PDE1C: variants seen among roughly 807,000 people sequenced by gnomAD.
PDE1C encodes phosphodiesterase 1C, also known as dual specificity calcium/calmodulin-dependent 3',5'-cyclic nucleotide phosphodiesterase 1C.
Under a neutral mutation model 93.1 loss-of-function variants are expected in PDE1C, and 62 were observed. The ratio of observed to expected loss-of-function variants is 0.67; its 90% confidence interval spans 0.54 to 0.82. The LOEUF is 0.82. Among genes scored for constraint, PDE1C ranks in the 40% least tolerant of loss-of-function variants. The pLI is 0.00. For missense variants in PDE1C, 742 were observed against 884.6 expected, an observed-to-expected ratio of 0.84 and a Z score of 2.04; for synonymous variants, 325 against 310.1, an observed-to-expected ratio of 1.05 and a Z score of -0.50.
chr7:32,070,438 G>A (rs1340526354), upstream of PDE1C: 5 of 1,608,750 alleles, frequency 3.1e-6, no homozygotes, highest in Non-Finnish European at 3.4e-6. Flanking sequence ...AGATAGTTTG[G>A]GCTGTCCCCT....
chr7:32,287,161 A>T (rs530518596), intron 1 of PDE1C, among the ~76,000 whole-genome samples: 1 of 152,338 alleles, frequency 6.6e-6, no homozygotes, highest in South Asian at 2.1e-4. Flanking sequence ...TGTGTTTATA[A>T]ACAGAAATCT....
chr7:32,350,576 ATATATATATATATATTT>A (rs1486155597), intron 1 of PDE1C, among the ~76,000 whole-genome samples: 224 of 870 alleles, frequency 0.26, 44 homozygotes, highest in Admixed American at 0.44. Flanking sequence ...ATATATATAT[ATATATATATATATATTT>A]TTTTTTTTTT....
the PDE1C span, among the ~76,000 whole-genome samples, chr7:31,674,102 A>C: frequency 1.3e-5 from 2 of 152,190 alleles, no homozygotes; most frequent in African/African-American, 4.8e-5. Flanking sequence ...AACTTAAACT[A>C]TCAAGATATG....
intron 2 of PDE1C, among the ~76,000 whole-genome samples, chr7:32,200,732 T>C (rs1441927304): frequency 2.6e-5 from 4 of 152,168 alleles, no homozygotes; most frequent in Admixed American, 1.3e-4. Flanking sequence ...CTTCTGATAA[T>C]CTAACTTTGC....
At chr7:32,040,565 A>G (rs1187786705) in intron 2 of PDE1C, among the ~76,000 whole-genome samples, 5 of 152,202 alleles carry the variant, frequency 3.3e-5, no homozygotes, top group South Asian at 2.1e-4. Context: ...ACTAAAGGTC[A>G]TATGCTTAGA....
At chr7:32,326,837 A>G (rs1308284214) in intron 1 of PDE1C, among the ~76,000 whole-genome samples, 2 of 152,216 alleles carry the variant, frequency 1.3e-5, no homozygotes, top group African/African-American at 4.8e-5. Flanking sequence ...GCATGTTTGC[A>G]TGCTGATGGG....
chr7:31,880,366 A>G (rs964386031), intron 3 of PDE1C, among the ~76,000 whole-genome samples: 2 of 152,248 alleles, frequency 1.3e-5, no homozygotes, highest in Non-Finnish European at 2.9e-5. Context: ...GCCTCCATTT[A>G]CTAATGGACA....
chr7:31,857,738 G>A (rs1398103302), intron 7 of PDE1C, among the ~76,000 whole-genome samples: 2 of 151,954 alleles, frequency 1.3e-5, no homozygotes, highest in Non-Finnish European at 1.5e-5. Flanking sequence ...GACATTTTGA[G>A]GGAAAAAAGC....
intron 2 of PDE1C, among the ~76,000 whole-genome samples, chr7:32,174,929 T>C (rs67945926): frequency 0.073 from 11,149 of 152,178 alleles, 633 homozygotes; most frequent in East Asian, 0.33. Context: ...ATAGATGTGA[T>C]TAATAAAACT....
the PDE1C span, among the ~76,000 whole-genome samples, chr7:31,628,159 A>G: frequency 6.6e-6 from 1 of 152,224 alleles, no homozygotes; most frequent in Non-Finnish European, 1.5e-5. Flanking sequence ...CATTTTCAAA[A>G]AGTGCCCTGA....
chr7:32,238,220 T>C (rs1808275097), intron 1 of PDE1C, among the ~76,000 whole-genome samples: 2 of 152,208 alleles, frequency 1.3e-5, no homozygotes, highest in South Asian at 4.1e-4. Context: ...AATTAGAAAG[T>C]ATAACTTTTC....
At chr7:31,633,425 T>C in the PDE1C span, among the ~76,000 whole-genome samples, 6 of 152,184 alleles carry the variant, frequency 3.9e-5, no homozygotes, top group African/African-American at 1.4e-4. Flanking sequence ...TAAATGACCA[T>C]CTATAAGGAG....
intron 16 of PDE1C, among the ~76,000 whole-genome samples, chr7:31,799,340 T>A (rs1281573236): frequency 6.6e-6 from 1 of 151,720 alleles, no homozygotes; most frequent in Non-Finnish European, 1.5e-5. Context: ...CAGGTCATGA[T>A]GCCTCACCCT....
the PDE1C span, among the ~76,000 whole-genome samples, chr7:31,743,187 T>C: frequency 2.0e-5 from 3 of 152,338 alleles, no homozygotes; most frequent in African/African-American, 7.2e-5. Flanking sequence ...GCTGGGATCC[T>C]GCTAAGTCTT....
At chr7:31,815,653 G>C (rs1446458622) in intron 15 of PDE1C, among the ~76,000 whole-genome samples, 1 of 146,104 alleles carries the variant, frequency 6.8e-6, no homozygotes, top group Non-Finnish European at 1.5e-5. Flanking sequence ...TTTTCCCCCA[G>C]CTGGCAGGCA....
At chr7:31,967,379 T>C (rs535073396) in intron 2 of PDE1C, among the ~76,000 whole-genome samples, 168 of 152,176 alleles carry the variant, frequency 1.1e-3, no homozygotes, top group Non-Finnish European at 1.8e-3. Flanking sequence ...ATAAATTCCT[T>C]GACACATACA....
At chr7:32,162,607 A>G (rs1801988551) in intron 3 of PDE1C, among the ~76,000 whole-genome samples, 1 of 152,160 alleles carries the variant, frequency 6.6e-6, no homozygotes, top group South Asian at 2.1e-4. Flanking sequence ...AGTGAGTCTG[A>G]ACACCAAAGT....
At chr7:31,618,959 C>T in the PDE1C span, among the ~76,000 whole-genome samples, 1 of 152,150 alleles carries the variant, frequency 6.6e-6, no homozygotes, top group Admixed American at 6.5e-5. Flanking sequence ...TGACTCAAAG[C>T]ATTCTAGGAT....
At position 31,935,154 on chromosome 7, in the gene PDE1C, T is replaced by G. The variant is rs535999862; in HGVS notation, c.129-54294A>C. 2.6e-5 allele frequency among the ~76,000 whole-genome samples: 4 copies of G among 152,298 alleles called. No individual in the cohort carries two copies. In the South Asian group the frequency reaches 8.3e-4, roughly 32 times the overall value. Reference sequence around the variant, plus strand: ...GTGCTAGCGTTGATACAGGGGTCTATCCATTCTAAAATGTCAAGACACAGA... The same window carrying G: ...GTGCTAGCGTTGATACAGGGGTCTAGCCATTCTAAAATGTCAAGACACAGA... On this transcript the variant is annotated intron_variant, in intron 2 of 17. Coordinates refer to ENST00000396191, the MANE Select transcript of PDE1C (RefSeq NM_001191057.4).
Sources: allele counts gnomAD v4.1 joint callset (sites outside exome capture counted in the v4.1 genomes callset), GRCh38; gene constraint gnomAD v4.1.1; transcripts MANE v1.5; gene names NCBI Gene and HGNC (gene_info 2026-07-23, HGNC 2026-07-21).